ASIC2: variants seen among roughly 807,000 people sequenced by gnomAD.
The protein encoded by ASIC2 is acid sensing ion channel subunit 2, also known as acid-sensing ion channel 2.
ASIC2 carries 25 observed loss-of-function variants against 57.3 expected under a neutral mutation model. That is an observed-to-expected ratio of 0.44 (90% CI 0.32 to 0.61). The LOEUF is 0.61. Ranked by LOEUF, ASIC2 falls within the 20% of genes least tolerant of loss-of-function variation. The pLI is 0.06. For synonymous variants in ASIC2, 319 were observed against 307.5 expected (o/e 1.04, Z -0.39); for missense variants, 641 against 738.1 (o/e 0.87, Z 1.52).
At chr17:34,141,289 G>A (rs1912265900) in intron 1 of ASIC2, among the ~76,000 whole-genome samples, 1 of 152,288 alleles carries the variant, frequency 6.6e-6, no homozygotes, top group East Asian at 1.9e-4. Context: ...TAGCCATGAA[G>A]GACCTTAGTG....
At chr17:34,106,747 C>T (rs1332400855) in intron 1 of ASIC2, among the ~76,000 whole-genome samples, 1 of 152,144 alleles carries the variant, frequency 6.6e-6, no homozygotes, top group Non-Finnish European at 1.5e-5. Flanking sequence ...CTGTGACATC[C>T]TCCCACCATG....
intron 1 of ASIC2, among the ~76,000 whole-genome samples, chr17:33,366,891 T>C (rs868199553): frequency 6.6e-6 from 1 of 152,346 alleles, no homozygotes; most frequent in Middle Eastern, 3.4e-3. Context: ...TGTTAATAAA[T>C]ACTAAGAAGA....
rs1260622023 is a variant in ASIC2, at chr17:33,013,837, A to C, written c.*128T>G. Reference sequence around the variant, plus strand: ...AGCGAGGTCTAGGCAGCTAGTCTGCAATGTGTGCATAGGGGGCTCTTGCTT... The same window carrying C: ...AGCGAGGTCTAGGCAGCTAGTCTGCCATGTGTGCATAGGGGGCTCTTGCTT... On this transcript the variant is annotated 3_prime_UTR_variant, in exon 10 of 10. Coordinates refer to ENST00000225823, the MANE Select transcript of ASIC2 (RefSeq NM_183377.2). The C allele has an allele frequency of 1.1e-5, 9 of 809,188 alleles. No individual in the cohort carries two copies. The highest frequency in any genetic ancestry group is 1.8e-5 in the Non-Finnish European group (9 of 490,282). 50.1% of individuals were successfully genotyped at this position (809,188 alleles called of 1,614,324 possible).
chr17:33,196,060 G>C (rs970102293), intron 1 of ASIC2, among the ~76,000 whole-genome samples: 6 of 152,192 alleles, frequency 3.9e-5, no homozygotes, highest in Admixed American at 1.3e-4. Context: ...ATATATCAAA[G>C]GGATTAAGGA....
chr17:33,546,256 A>G (rs974840222), intron 1 of ASIC2, among the ~76,000 whole-genome samples: 2 of 151,894 alleles, frequency 1.3e-5, no homozygotes, highest in Non-Finnish European at 2.9e-5. Context: ...TATTCATCTT[A>G]TTCATTCTTA....
intron 1 of ASIC2, among the ~76,000 whole-genome samples, chr17:33,760,244 A>C (rs988188788): frequency 6.6e-5 from 10 of 152,290 alleles, no homozygotes; most frequent in Admixed American, 4.6e-4. Context: ...ACAATTAGCG[A>C]TTCTGCTGGA....
intron 1 of ASIC2, among the ~76,000 whole-genome samples, chr17:33,989,999 A>G (rs1905951891): frequency 6.6e-6 from 1 of 152,210 alleles, no homozygotes; most frequent in African/African-American, 2.4e-5. Context: ...ATTAGCATGC[A>G]GGAGTGAAAG....
chr17:33,530,044 A>T (rs926123655), intron 1 of ASIC2: 2 of 152,300 alleles, frequency 1.3e-5, no homozygotes, highest in Admixed American at 6.5e-5. Context: ...CAGGAAATAC[A>T]TGAATAAATG....
intron 1 of ASIC2, among the ~76,000 whole-genome samples, chr17:33,225,214 A>T (rs959634295): frequency 2.0e-5 from 3 of 152,192 alleles, no homozygotes; most frequent in African/African-American, 7.2e-5. Flanking sequence ...AATGTTTGTT[A>T]TAGCAAGAAA....
intron 3 of ASIC2, among the ~76,000 whole-genome samples, chr17:33,084,383 G>T (rs1343740169): frequency 6.7e-6 from 1 of 148,414 alleles, no homozygotes; most frequent in Non-Finnish European, 1.5e-5. Flanking sequence ...AGACCAGCCT[G>T]CCAGCCAGTC....
chr17:33,791,293 A>C (rs1911762394), intron 1 of ASIC2, among the ~76,000 whole-genome samples: 1 of 152,242 alleles, frequency 6.6e-6, no homozygotes, highest in South Asian at 2.1e-4. Flanking sequence ...GCACTCTGAG[A>C]TCGGCTAGTT....
chr17:33,872,826 G>A (rs2141933003), intron 1 of ASIC2, among the ~76,000 whole-genome samples: 1 of 152,232 alleles, frequency 6.6e-6, no homozygotes, highest in East Asian at 1.9e-4. Context: ...ACCTTCCTGG[G>A]TGGCGGTAAT....
intron 1 of ASIC2, among the ~76,000 whole-genome samples, chr17:33,443,998 C>G (rs1911924241): frequency 6.6e-6 from 1 of 152,198 alleles, no homozygotes; most frequent in African/African-American, 2.4e-5. Flanking sequence ...AGCCAGCCCC[C>G]TCTGGCAGTG....
chr17:34,133,616 G>A (rs2142130869), intron 1 of ASIC2, among the ~76,000 whole-genome samples: 1 of 152,366 alleles, frequency 6.6e-6, no homozygotes, highest in East Asian at 1.9e-4. Context: ...GTAGGGCCTG[G>A]CACCAGCAGG....
chr17:33,464,506 TTC>T (rs1233774521), intron 1 of ASIC2, among the ~76,000 whole-genome samples: 3 of 37,662 alleles, frequency 8.0e-5, no homozygotes, highest in African/African-American at 1.2e-4. Context: ...CTTTCTTTCT[TTC>T]TTTCTTTCTT....
intron 1 of ASIC2, among the ~76,000 whole-genome samples, chr17:33,951,255 G>A (rs35915614): frequency 0.011 from 1,629 of 152,202 alleles, 39 homozygotes; most frequent in African/African-American, 0.037. Flanking sequence ...AGTGGCCCTC[G>A]GTGGTAGGCC....
At chr17:34,091,259 C>G (rs1320406011) in intron 1 of ASIC2, among the ~76,000 whole-genome samples, 2 of 152,238 alleles carry the variant, frequency 1.3e-5, no homozygotes, top group Non-Finnish European at 2.9e-5. Flanking sequence ...ATCCAATTGT[C>G]TGGAACTTCT....
intron 1 of ASIC2, among the ~76,000 whole-genome samples, chr17:33,402,505 T>G (rs992552435): frequency 6.6e-6 from 1 of 152,208 alleles, no homozygotes; most frequent in Non-Finnish European, 1.5e-5. Flanking sequence ...GTTCTCATTG[T>G]TCAGCTTTCA....
intron 1 of ASIC2, among the ~76,000 whole-genome samples, chr17:33,320,673 GGAAC>G (rs1906833827): frequency 2.0e-5 from 3 of 152,138 alleles, no homozygotes; most frequent in African/African-American, 4.8e-5. Context: ...TTTCCTATGT[GGAAC>G]TCTTAAGCCA....
Sources: allele counts gnomAD v4.1 joint callset (sites outside exome capture counted in the v4.1 genomes callset), GRCh38; gene constraint gnomAD v4.1.1; transcripts MANE v1.5; gene names NCBI Gene and HGNC (gene_info 2026-07-23, HGNC 2026-07-21).